Variants in ITPR2 observed in about 807,000 individuals in gnomAD.
ITPR2 encodes inositol 1,4,5-trisphosphate-gated calcium channel ITPR2.
In ITPR2, 207 loss-of-function variants were observed where a neutral mutation model predicts 317.1. The ratio of observed to expected loss-of-function variants is 0.65; its 90% CI spans 0.58 to 0.73. The LOEUF (loss-of-function observed/expected upper bound fraction) is 0.73, where lower values mean the gene tolerates loss of function less well. ITPR2 is among the 30% of genes least tolerant of loss of function. ITPR2 has a pLI of 0.00. For missense variants in ITPR2, 2,613 were observed against 3,284.0 expected (o/e 0.80, Z 4.99); for synonymous variants, 1,156 against 1,149.1 (o/e 1.01, Z -0.12).
Position 26,597,044 on chromosome 12 carries a change from G to C in ITPR2, c.4093C>G (p.Arg1365Gly). ...LLHMMCSERD[R>G]GDESGPLAYH... ...GCTAAGGGGCCACTCTCATCCCCTC[G>C]GTCTCTCTCTGAACACATCATATGG... is the stretch of plus-strand genomic sequence containing the variant. The change falls in exon 31 of 57, where the codon CGA (arginine) becomes GGA (glycine). Residue 1365 changes from arginine to glycine, a missense_variant. Around this residue, in one of 9 missense-constraint regions of ITPR2, gnomAD observed 817 missense variants for 897.6 expected, o/e 0.91. Transcript: ENST00000381340. 6.2e-7 allele frequency: 1 copy of C among 1,613,940 alleles called. No individual in the cohort carries two copies. The highest frequency in any genetic ancestry group is 8.5e-7 in the Non-Finnish European group (1 of 1,179,972).
intron 2 of ITPR2, among the ~76,000 whole-genome samples, chr12:26,737,500 AC>A (rs1225527389): frequency 1.3e-5 from 2 of 151,998 alleles, no homozygotes; most frequent in African/African-American, 4.8e-5. Flanking sequence ...TGATCTGCCC[AC>A]CTCGGCCTCC....
chr12:26,682,864 T>C (rs1258614513), intron 11 of ITPR2, among the ~76,000 whole-genome samples, 191 bp from the exon 12 acceptor site: 1 of 152,164 alleles, frequency 6.6e-6, no homozygotes, highest in Non-Finnish European at 1.5e-5. Context: ...TTTACCTAGG[T>C]AGTAGTTCTC....
intron 36 of ITPR2, among the ~76,000 whole-genome samples, chr12:26,553,710 G>C (rs969649451): frequency 6.6e-6 from 1 of 151,776 alleles, no homozygotes; most frequent in Admixed American, 6.6e-5. Flanking sequence ...GCGTGAACCA[G>C]GGAGGCAGAG....
intron 32 of ITPR2, among the ~76,000 whole-genome samples, chr12:26,585,051 C>A (rs757515309): frequency 1.3e-5 from 2 of 152,052 alleles, no homozygotes; most frequent in Non-Finnish European, 2.9e-5. Flanking sequence ...TTTAAACAGA[C>A]AACATTTTCA....
chr12:26,756,682 G>A (rs996848631), intron 2 of ITPR2, among the ~76,000 whole-genome samples: 1 of 152,130 alleles, frequency 6.6e-6, no homozygotes, highest in Non-Finnish European at 1.5e-5. Flanking sequence ...ATGCTAATAG[G>A]CAGAAATACC....
chr12:26,384,480 G>C (rs917894434), intron 55 of ITPR2, among the ~76,000 whole-genome samples: 1 of 152,194 alleles, frequency 6.6e-6, no homozygotes, highest in Non-Finnish European at 1.5e-5. Flanking sequence ...GTTGGAATAA[G>C]CTTGGGAGTT....
intron 37 of ITPR2, among the ~76,000 whole-genome samples, chr12:26,549,220 C>G (rs2137001383): frequency 6.6e-6 from 1 of 152,202 alleles, no homozygotes; most frequent in Middle Eastern, 3.4e-3. Flanking sequence ...TTGCATTGAC[C>G]ACCTTTATTT....
chr12:26,467,363 CTCTCTCTCTCTTTCTCTT>C (rs1435041902), intron 45 of ITPR2, among the ~76,000 whole-genome samples: 1 of 151,694 alleles, frequency 6.6e-6, no homozygotes, highest in Non-Finnish European at 1.5e-5. Context: ...CTCTATCTCT[CTCTCTCTCTCTTTCTCTT>C]TCTCTCTCTC....
intron 37 of ITPR2, among the ~76,000 whole-genome samples, chr12:26,496,453 A>G (rs74981423): frequency 6.6e-6 from 1 of 152,070 alleles, no homozygotes; most frequent in South Asian, 2.1e-4. Context: ...TGGCAATTTC[A>G]TCTTCTCCTT....
chr12:26,658,026 A>G lies in ITPR2; in HGVS notation c.1991T>C (p.Ile664Thr). The G allele has an allele frequency of 2.5e-6, 4 of 1,612,422 alleles. No individual in the cohort carries two copies. The highest frequency in any genetic ancestry group is 3.4e-6 in the Non-Finnish European group (4 of 1,179,340). ...CTGGGCTTACTTAGTTTGAATGAGA[A>G]TGTCTGCATTGCCTGGACTCAACAT... is the stretch of plus-strand genomic sequence containing the variant. ...KFMLSPGNAD[I>T]LIQTKVVSMQ... The change falls in exon 17 of 57, where the codon ATT (isoleucine) becomes ACT (threonine). Residue 664 changes from isoleucine to threonine, a missense_variant. Ile to Thr is a moderately conservative substitution (Grantham distance 89). Around this residue, in one of 9 missense-constraint regions of ITPR2, gnomAD observed 817 missense variants for 897.6 expected, o/e 0.91. Transcript: ENST00000381340.
At chr12:26,576,079 A>G (rs1945268855) in intron 34 of ITPR2, among the ~76,000 whole-genome samples, 2 of 152,202 alleles carry the variant, frequency 1.3e-5, no homozygotes, top group South Asian at 2.1e-4. Flanking sequence ...AGCTAAGACA[A>G]TGTATTCCTA....
intron 49 of ITPR2, among the ~76,000 whole-genome samples, chr12:26,424,392 T>A (rs1940982348): frequency 6.6e-6 from 1 of 152,120 alleles, no homozygotes; most frequent in African/African-American, 2.4e-5. Context: ...ACCTATAGTT[T>A]TAGCACTTAT....
chr12:26,808,403 G>A (rs1388391287), intron 1 of ITPR2, among the ~76,000 whole-genome samples: 1 of 152,158 alleles, frequency 6.6e-6, no homozygotes, highest in Non-Finnish European at 1.5e-5. Context: ...ATCCATACCT[G>A]CCACATACTA....
intron 45 of ITPR2, among the ~76,000 whole-genome samples, chr12:26,466,171 C>T (rs1369026788): frequency 6.6e-6 from 1 of 152,194 alleles, no homozygotes; most frequent in Non-Finnish European, 1.5e-5. Context: ...ACATTCACTC[C>T]TGCTAACAAA....
At position 26,831,724 on chromosome 12, in the gene ITPR2, C is replaced by T. The variant is rs1263849831; in HGVS notation, c.92+966G>A. Among the ~76,000 whole-genome samples, 4 of 116,972 alleles carry T rather than the reference C, an allele frequency of 3.4e-5. No homozygotes were observed. Among genetic ancestry groups the T allele is most frequent in the Admixed American group, 9.2e-5 (1 of 10,848 alleles). 76.7% of individuals were successfully genotyped at this position (116,972 alleles called of 152,430 possible). On this transcript the variant is annotated intron_variant, in intron 1 of 56. Transcript: ENST00000381340. This position sits in a 1 kb window ranked among gnomAD's most constrained non-coding sequence, Gnocchi z 4.9. ...ATAAAATATATAAATATATATTCTA[C>T]ATAAAATATATAAATATATATTCTA... is the stretch of plus-strand genomic sequence containing the variant.
Position 26,681,887 on chromosome 12 carries a change from G to A in ITPR2, c.1396C>T (p.Gln466Ter). ...TTAAAGAGTTACCTCCTTTCATTCT[G>A]AGTTATTGTGCCGTTTTCTAGCTTT... ...VKKLENGTIT[Q>*]NERRFVTKLL... is the part of the protein sequence containing the mutation. The change falls in exon 13 of 57, where the codon CAG (glutamine) becomes TAG (stop). Residue 466 changes from glutamine (Q) to a stop codon, truncating the protein, a stop_gained. Transcript: ENST00000381340. LOFTEE classifies it high-confidence loss of function. 1 of 1,610,350 alleles carries A rather than the reference G, an allele frequency of 6.2e-7. No homozygotes were observed. The highest frequency in any genetic ancestry group is 8.5e-7 in the Non-Finnish European group (1 of 1,177,234).
intron 16 of ITPR2, among the ~76,000 whole-genome samples, 158 bp downstream of exon 16, chr12:26,658,955 A>G (rs1472627521): frequency 6.6e-6 from 1 of 152,198 alleles, no homozygotes; most frequent in Non-Finnish European, 1.5e-5. Context: ...ATGAGGTAAT[A>G]ACTCTTTATT....
intron 37 of ITPR2, among the ~76,000 whole-genome samples, chr12:26,520,504 T>C (rs1038542073): frequency 1.3e-5 from 2 of 152,166 alleles, no homozygotes; most frequent in African/African-American, 4.8e-5. Flanking sequence ...CAACACGCCT[T>C]TCCCTCAGAA....
Position 26,486,214 on chromosome 12 carries a change from T to A in ITPR2, c.5701A>T (p.Thr1901Ser), listed in dbSNP as rs1456447547. 2 of 1,614,144 alleles carry A rather than the reference T, an allele frequency of 1.2e-6. No individual in the cohort carries two copies. Among genetic ancestry groups the A allele is most frequent in the South Asian group, 2.2e-5 (2 of 91,078 alleles). ...ACTTCCTCTGCGGATTTTTCCTCAG[T>A]GTTTCCCGCTTCTGGTCCTGTGCAC... ...IMCTGPEAGNTEEKSAEEVTM... is the reference protein window; with the variant it reads ...IMCTGPEAGNSEEKSAEEVTM... Residue 1901 changes from threonine to serine, a missense_variant, in exon 41 of 57, where the codon ACT becomes TCT. Physicochemically the swap from Thr to Ser is moderately conservative, Grantham distance 58 (BLOSUM62 1). Around this residue, in one of 9 missense-constraint regions of ITPR2, gnomAD observed 926 missense variants for 1,072.8 expected, o/e 0.86. Transcript: ENST00000381340.
Sources: gnomAD v4.1 joint callset for allele counts (sites outside exome capture counted in the v4.1 genomes callset) on GRCh38, gnomAD v4.1.1 for gene constraint, gnomAD v4.1.1 regional missense constraint, Gnocchi (gnomAD v3.1) non-coding constraint, MANE v1.5 for transcripts, NCBI Gene and HGNC (gene_info 2026-07-23, HGNC 2026-07-21) for gene names.